Variants in DOCK3 observed in about 807,000 individuals in gnomAD.
DOCK3 encodes dedicator of cytokinesis 3, also known as dedicator of cytokinesis protein 3.
A neutral mutation model predicts 265.6 loss-of-function variants in DOCK3; 60 were observed. That is an observed-to-expected ratio of 0.23 (90% CI 0.18 to 0.28). The LOEUF (loss-of-function observed/expected upper bound fraction) is 0.28. Ranked by LOEUF, DOCK3 falls within the 10% of genes least tolerant of loss-of-function variation. The pLI, the probability that DOCK3 is intolerant of heterozygous loss-of-function variation, is 1.00. For synonymous variants in DOCK3, 881 were observed against 938.0 expected (o/e 0.94, Z 1.11); for missense variants, 1,981 against 2,594.3 (o/e 0.76, Z 5.14).
chr3:50,720,560 T>G (rs541084332), intron 1 of DOCK3, among the ~76,000 whole-genome samples: 3 of 152,330 alleles, frequency 2.0e-5, no homozygotes, highest in African/African-American at 7.2e-5. Flanking sequence ...TTTAGATTGA[T>G]TCTATGTTTT....
At chr3:50,914,283 AT>A (rs2050008429) in intron 4 of DOCK3, among the ~76,000 whole-genome samples, 1 of 151,154 alleles carries the variant, frequency 6.6e-6, no homozygotes, top group Non-Finnish European at 1.5e-5. Flanking sequence ...CTTGTTGTTC[AT>A]TTGAGGTTGT....
intron 23 of DOCK3, among the ~76,000 whole-genome samples, chr3:51,267,704 C>T (rs2080273431): frequency 6.6e-6 from 1 of 152,122 alleles, no homozygotes; most frequent in South Asian, 2.1e-4. Flanking sequence ...ACGTTTATTG[C>T]AGCACTGTTG....
In DOCK3 at chr3:50,836,355, G is replaced by A. The variant is rs375000761; in HGVS notation, c.122-5320G>A. 2.4e-4 allele frequency among the ~76,000 whole-genome samples: 37 copies of A among 152,336 alleles called. 1 individual carries two copies. In the South Asian group the frequency reaches 7.5e-3, roughly 31 times the overall value. ...TTCGTACATCCTCTGAAATCTAGGC[G>A]GAGGTTCCTAAACCTCAATTCTTGT... On this transcript the variant is annotated intron_variant, in intron 2 of 52. Transcript: ENST00000266037.
chr3:51,205,193 CA>C (rs763612509), intron 12 of DOCK3, among the ~76,000 whole-genome samples: 20 of 150,344 alleles, frequency 1.3e-4, no homozygotes, highest in Admixed American at 4.6e-4. Flanking sequence ...TAAATAAATA[CA>C]GTGAAAAAAA....
intron 4 of DOCK3, among the ~76,000 whole-genome samples, chr3:50,926,074 C>T (rs2108085035): frequency 2.0e-5 from 3 of 152,108 alleles, no homozygotes; most frequent in Admixed American, 2.0e-4. Flanking sequence ...CTCAAGTGCT[C>T]CACCCACCTT....
intron 12 of DOCK3, among the ~76,000 whole-genome samples, chr3:51,206,467 T>C (rs983866055): frequency 6.6e-6 from 1 of 151,518 alleles, no homozygotes; most frequent in Admixed American, 6.6e-5. Flanking sequence ...CCAAAAGAAG[T>C]AGTGGTCAGG....
chr3:51,272,687 G>A (rs984651445), intron 24 of DOCK3, among the ~76,000 whole-genome samples: 5 of 151,944 alleles, frequency 3.3e-5, no homozygotes, highest in Non-Finnish European at 7.4e-5. Flanking sequence ...CTCTGCCAGC[G>A]TATGATATTG....
intron 1 of DOCK3, among the ~76,000 whole-genome samples, chr3:50,750,661 C>T (rs2039742703): frequency 6.6e-6 from 1 of 152,124 alleles, no homozygotes; most frequent in Non-Finnish European, 1.5e-5. Flanking sequence ...GCTTCACTTG[C>T]TTTGCATGAG....
intron 22 of DOCK3, among the ~76,000 whole-genome samples, chr3:51,253,742 A>G (rs966857468): frequency 6.6e-6 from 1 of 151,460 alleles, no homozygotes; most frequent in Non-Finnish European, 1.5e-5. Flanking sequence ...CATCTATTTG[A>G]TTCTTCTCTC....
At chr3:50,948,460 G>C (rs368167076) in intron 5 of DOCK3, among the ~76,000 whole-genome samples, 3 of 135,480 alleles carry the variant, frequency 2.2e-5, no homozygotes, top group South Asian at 4.8e-4. Flanking sequence ...CTGGAATGCA[G>C]TTGCAAAATC....
At chr3:51,132,061 C>T (rs2084579431) in intron 9 of DOCK3, among the ~76,000 whole-genome samples, 1 of 152,204 alleles carries the variant, frequency 6.6e-6, no homozygotes, top group South Asian at 2.1e-4. Flanking sequence ...TGGATCCCTT[C>T]CTCTACATTA....
At chr3:50,979,548 A>C (rs193158977) in intron 5 of DOCK3, among the ~76,000 whole-genome samples, 1 of 152,224 alleles carries the variant, frequency 6.6e-6, no homozygotes, top group Non-Finnish European at 1.5e-5. Flanking sequence ...GCTGTGTCAC[A>C]CTTGAACTCC....
At chr3:51,210,281 G>A (rs1207872889) in intron 13 of DOCK3, among the ~76,000 whole-genome samples, 2 of 152,152 alleles carry the variant, frequency 1.3e-5, no homozygotes, top group African/African-American at 2.4e-5. Flanking sequence ...TCTGATTTTT[G>A]TCTAGAACTC....
In DOCK3 at chr3:50,887,966, C is replaced by G. The variant is rs2048425114; in HGVS notation, c.163-2060C>G. Among the ~76,000 whole-genome samples the G allele has an allele frequency of 2.6e-5, 4 of 152,172 alleles. No individual in the cohort carries two copies. In the South Asian group the frequency reaches 6.2e-4, roughly 24 times the overall value. ...CACTGGCACAAGACAGGGATGCCCT[C>G]TCTCACCACTCCTGTTCAACATAGT... On this transcript the variant is annotated intron_variant, in intron 3 of 52. Coordinates refer to ENST00000266037, the MANE Select transcript of DOCK3 (RefSeq NM_004947.5).
At chr3:51,267,289 A>G (rs1361241007) in intron 23 of DOCK3, among the ~76,000 whole-genome samples, 1 of 152,148 alleles carries the variant, frequency 6.6e-6, no homozygotes, top group Admixed American at 6.5e-5. Context: ...AACTAGAAAT[A>G]CATGTGACCC....
chr3:50,912,511 T>G (rs1028792643), intron 4 of DOCK3, among the ~76,000 whole-genome samples: 1 of 152,146 alleles, frequency 6.6e-6, no homozygotes, highest in Non-Finnish European at 1.5e-5. Context: ...GCCAGGCCTG[T>G]GTCCTTCCCT....
At chr3:51,005,627 T>C (rs1162964581) in intron 5 of DOCK3, among the ~76,000 whole-genome samples, 3 of 152,206 alleles carry the variant, frequency 2.0e-5, no homozygotes, top group Non-Finnish European at 4.4e-5. Flanking sequence ...GAATTTCTCA[T>C]ACTATAACTC....
chr3:51,354,631 C>T (rs1223850132), intron 40 of DOCK3, among the ~76,000 whole-genome samples: 2 of 152,154 alleles, frequency 1.3e-5, no homozygotes, highest in African/African-American at 4.8e-5. Flanking sequence ...CTCTTTCCTG[C>T]GTAAGGTTTT....
At chr3:50,767,793 G>A (rs1238249063) in intron 1 of DOCK3, among the ~76,000 whole-genome samples, 15 of 151,872 alleles carry the variant, frequency 9.9e-5, no homozygotes, top group Admixed American at 7.2e-4. Context: ...CTTTTATTTC[G>A]TTGAGCTGTG....
Sources: allele counts gnomAD v4.1 joint callset (sites outside exome capture counted in the v4.1 genomes callset), GRCh38; gene constraint gnomAD v4.1.1; transcripts MANE v1.5; gene names NCBI Gene and HGNC (gene_info 2026-07-23, HGNC 2026-07-21).